MICAL1: variants seen among roughly 807,000 people sequenced by gnomAD.
MICAL1 encodes the protein [F-actin]-monooxygenase MICAL1.
Under a neutral mutation model 131.8 loss-of-function variants are expected in MICAL1, and 95 were observed. The observed-to-expected ratio is 0.72, with a 90% CI of 0.61 to 0.86. The LOEUF is 0.86. MICAL1 is among the 40% of genes least tolerant of loss of function. MICAL1 has a pLI of 0.00. For synonymous variants in MICAL1, 546 were observed against 554.2 expected, an observed-to-expected ratio of 0.99 and a Z score of 0.21; for missense variants, 1,292 against 1,380.6, an observed-to-expected ratio of 0.94 and a Z score of 1.02.
At position 109,446,725 on chromosome 6, in the gene MICAL1, CCG is replaced by C. The variant is rs552227069; in HGVS notation, c.2273_2274del (p.Ala758GlyfsTer5). The C allele has an allele frequency of 6.2e-7, 1 of 1,613,824 alleles. No homozygotes were observed. The highest frequency in any genetic ancestry group is 8.5e-7 in the Non-Finnish European group (1 of 1,179,916). On this transcript the variant is annotated frameshift_variant, in exon 18 of 25. Coordinates refer to ENST00000358807, the MANE Select transcript of MICAL1 (RefSeq NM_022765.4). LOFTEE classifies it high-confidence loss of function. ...CTCTCAGGGCCTCTATCGCTGCCTT[CCG>C]CTTTGTGGTCTGTCTGGGGCAGGTG... Reference protein sequence around the residue: ...LQHLPQTDHKAEGSDRGPESP... With the variant: ...LQHLPQTDHKXEGSDRGPESP...
rs573240861 is a variant in MICAL1 at position 109,446,881 on chromosome 6, A to G, written c.2228-109T>C. The G allele has an allele frequency of 9.3e-6, 12 of 1,291,410 alleles. No individual in the cohort carries two copies. In the African/African-American group the frequency reaches 1.6e-4, roughly 17 times the overall value. 80.0% of individuals were successfully genotyped at this position (1,291,410 alleles called of 1,614,324 possible). A position where few individuals can be genotyped will look rare whatever the true frequency, so the allele number is the denominator to read the frequency against. ...GAAAACAAGACAGATTTGCAGGTGA[A>G]TTTCTGCCAGCCTCCTGTTCCTCAG... On this transcript the variant is annotated intron_variant, in intron 17 of 24. Transcript: ENST00000358807.
Position 109,444,163 on chromosome 6 carries a change from G to T in MICAL1, c.*28C>A. The T allele has an allele frequency of 6.2e-7, 1 of 1,602,378 alleles. No homozygotes were observed. On this transcript the variant is annotated 3_prime_UTR_variant, in exon 25 of 25. Transcript: ENST00000358807. Reference sequence around the variant, plus strand: ...GCTGGGGTGAGGTGCTTTCTTTGTGGGAACGAAAGCAGACGGCCCACCCTC... The same window carrying T: ...GCTGGGGTGAGGTGCTTTCTTTGTGTGAACGAAAGCAGACGGCCCACCCTC...
chr6:109,446,737 C>T lies in MICAL1; in HGVS notation c.2263G>A (p.Asp755Asn), dbSNP rs765514022. ...CTATCGCTGCCTTCCGCTTTGTGGT[C>T]TGTCTGGGGCAGGTGCTGGAGGCAG... The part of the protein sequence containing the change: ...FYCLQHLPQT[D>N]HKAEGSDRGP... The change falls in exon 18 of 25, where the codon GAC (aspartate) becomes AAC (asparagine). Residue 755 changes from aspartate (D) to asparagine (N), a missense_variant. Asp to Asn is a conservative substitution (Grantham distance 23). Coordinates refer to ENST00000358807, the MANE Select transcript of MICAL1 (RefSeq NM_022765.4). 1.2e-6 allele frequency: 2 copies of T among 1,613,738 alleles called. No homozygotes were observed. Among genetic ancestry groups the T allele is most frequent in the African/African-American group, 2.7e-5 (2 of 74,914 alleles).
At chr6:109,463,149 G>C (rs756724383) in intron 1 of MICAL1, 1 of 152,202 alleles carries the variant, frequency 6.6e-6, no homozygotes, top group Non-Finnish European at 1.5e-5. Flanking sequence ...ACCACGCCCA[G>C]CTAATTTTTG....
At chr6:109,449,265 A>C in intron 11 of MICAL1, 135 bp downstream of exon 11, 1 of 989,274 alleles carries the variant, frequency 1.0e-6, no homozygotes, top group Non-Finnish European at 1.6e-6. Context: ...CAGGCCCCCA[A>C]CCAACCCACC....
intron 10 of MICAL1, 75 bp downstream of exon 10, chr6:109,449,582 G>T: frequency 6.2e-7 from 1 of 1,602,318 alleles, no homozygotes; most frequent in Non-Finnish European, 8.5e-7. Context: ...AAAGGGCAGC[G>T]ACTGGGCAGG....
At chr6:109,465,596 T>G (rs1776014133) in intron 1 of MICAL1, 1 of 1,497,664 alleles carries the variant, frequency 6.7e-7, no homozygotes. Flanking sequence ...ACCCGAGTCT[T>G]TATGAGACAT....
intron 1 of MICAL1, chr6:109,465,450 C>G (rs1776010526): frequency 3.4e-6 from 2 of 595,046 alleles, no homozygotes; most frequent in Admixed American, 6.3e-5. Flanking sequence ...CCATTCTGCC[C>G]AGTTCAACCA....
At position 109,450,063 on chromosome 6, in the gene MICAL1, C is replaced by G. The variant is rs1775472311; in HGVS notation, c.1214G>C (p.Gly405Ala). The G allele has an allele frequency of 6.2e-7, 1 of 1,613,948 alleles. No homozygotes were observed. The highest frequency in any genetic ancestry group is 1.3e-5 in the African/African-American group (1 of 74,910). Residue 405 changes from glycine (G) to alanine (A), a missense_variant, in exon 9 of 25, where the codon GGA becomes GCA. By Grantham distance (60) the Gly-to-Ala change is moderately conservative. Coordinates refer to ENST00000358807, the MANE Select transcript of MICAL1 (RefSeq NM_022765.4). The part of the protein sequence containing the change: ...LVEPFWPLGT[G>A]VARGFLAAFD... ...GGCTGCCAGGAAGCCCCGTGCCACT[C>G]CAGTGCCCAGGGGCCAGAAGGGCTG...
chr6:109,453,375 G>A lies in MICAL1; in HGVS notation c.467-8C>T, dbSNP rs1243218370. On this transcript the variant is annotated splice_polypyrimidine_tract_variant and splice_region_variant and intron_variant, in intron 3 of 24. Transcript: ENST00000358807. The stretch of plus-strand genomic sequence containing the variant: ...GCTGGAGCTGCCTGATGCCTGGAAG[G>A]GAGAGGACATTAGGAACAGGGACCC... The A allele has an allele frequency of 3.7e-6, 6 of 1,612,826 alleles. No homozygotes were observed. The highest frequency in any genetic ancestry group is 1.3e-5 in the African/African-American group (1 of 74,920).
chr6:109,445,692 G>A, intron 20 of MICAL1, 79 bp downstream of exon 20: 8 of 1,538,946 alleles, frequency 5.2e-6, no homozygotes, highest in East Asian at 2.3e-5. Context: ...CATTCCAAGA[G>A]AAGGGTGCAG....
chr6:109,451,775 C>A (rs1582649641), intron 6 of MICAL1, 75 bp from the exon 7 acceptor site: 22 of 1,579,614 alleles, frequency 1.4e-5, no homozygotes, highest in Non-Finnish European at 1.7e-5. Flanking sequence ...CCCAACATGG[C>A]CTGACCTCTG....
chr6:109,457,146 C>T (rs7764669), upstream of MICAL1, among the ~76,000 whole-genome samples: 6,563 of 152,206 alleles, frequency 0.043, 454 homozygotes, highest in African/African-American at 0.15. Context: ...GTTCCCAGCT[C>T]GAGCTGAGAA....
At chr6:109,463,398 A>G (rs1446615012) in intron 1 of MICAL1, 3 of 152,242 alleles carry the variant, frequency 2.0e-5, no homozygotes, top group African/African-American at 7.2e-5. Flanking sequence ...CAAATAATTC[A>G]GGCATAGCTA....
chr6:109,448,859 C>G lies in MICAL1; in HGVS notation c.1537G>C (p.Glu513Gln). 1 of 1,613,814 alleles carries G rather than the reference C, an allele frequency of 6.2e-7. No homozygotes were observed. The highest frequency in any genetic ancestry group is 1.3e-5 in the African/African-American group (1 of 75,014). The change falls in exon 12 of 25, where the codon GAG (glutamate) becomes CAG (glutamine). Residue 513 changes from glutamate to glutamine, a missense_variant. Coordinates refer to ENST00000358807, the MANE Select transcript of MICAL1 (RefSeq NM_022765.4). ...PATGSAGTQE[E>Q]LLRWCQEQTA... ...TGCTCCTGGCACCAGCGTAGCAGCT[C>G]CTCCTGGGTGCCTGCCGACCCTGGG...
chr6:109,444,977 T>G lies in MICAL1; in HGVS notation c.2900A>C (p.Lys967Thr), dbSNP rs1432973376. 2 of 1,613,850 alleles carry G rather than the reference T, an allele frequency of 1.2e-6. No homozygotes were observed. The highest frequency in any genetic ancestry group is 2.7e-5 in the African/African-American group (2 of 74,946). Residue 967 changes from lysine to threonine, a missense_variant, in exon 23 of 25, where the codon AAG becomes ACG. By Grantham distance (78) the Lys-to-Thr change is moderately conservative. Transcript: ENST00000358807. Reference protein sequence around the residue: ...RRQSSSPEQQKKLWVGQLLQL... With the variant: ...RRQSSSPEQQTKLWVGQLLQL... ...TAGCAGCTGTCCTACCCATAGTTTC[T>G]TTTGCTGTTCTGGGGAACCTGAGAA...
At position 109,447,397 on chromosome 6, in the gene MICAL1, T is replaced by C; in HGVS notation, c.2030A>G (p.Glu677Gly). 6.2e-7 allele frequency: 1 copy of C among 1,613,410 alleles called. No homozygotes were observed. Among genetic ancestry groups the C allele is most frequent in the South Asian group, 1.1e-5 (1 of 91,072 alleles). The change falls in exon 16 of 25, where the codon GAG becomes GGG. Residue 677 changes from glutamate to glycine, a missense_variant. Transcript: ENST00000358807. ...TPSTEVPPDPEPGVPLTPPSQ... is the reference protein window; with the variant it reads ...TPSTEVPPDPGPGVPLTPPSQ... ...TGGGGGTGTCAGGGGTACACCAGGCTCTGGGTCAGGTGGCACCTCAGTACT... is the reference window on the plus strand; with the variant it reads ...TGGGGGTGTCAGGGGTACACCAGGCCCTGGGTCAGGTGGCACCTCAGTACT...
intron 11 of MICAL1, 90 bp downstream of exon 11, chr6:109,449,310 T>C (rs774633704): frequency 2.9e-6 from 4 of 1,380,700 alleles, no homozygotes; most frequent in Non-Finnish European, 3.1e-6. Flanking sequence ...GCTGCTCCTG[T>C]CCTGAGGCTG....
chr6:109,447,635 G>T (rs1275965041), intron 15 of MICAL1, 46 bp downstream of exon 15: 1 of 1,612,338 alleles, frequency 6.2e-7, no homozygotes, highest in East Asian at 2.2e-5. Context: ...CAGGAAAGGG[G>T]ATAAAATGTG....
Sources: allele counts gnomAD v4.1 joint callset (sites outside exome capture counted in the v4.1 genomes callset), GRCh38; gene constraint gnomAD v4.1.1; transcripts MANE v1.5; gene names NCBI Gene and HGNC (gene_info 2026-07-23, HGNC 2026-07-21).